GLI3: variants seen among roughly 807,000 people sequenced by gnomAD.
GLI3 encodes the protein GLI family zinc finger 3, also known as transcription activator GLI3.
In GLI3, 20 loss-of-function variants were observed where a neutral mutation model predicts 100.8. The observed-to-expected ratio is 0.20, with a 90% CI of 0.14 to 0.29. The LOEUF (loss-of-function observed/expected upper bound fraction) is 0.29, where lower values mean the gene tolerates loss of function less well. GLI3 is among the 10% of genes least tolerant of loss of function. The pLI is 1.00. For synonymous variants in GLI3, 938 were observed against 860.5 expected (o/e 1.09, Z -1.58); for missense variants, 2,040 against 2,128.5 (o/e 0.96, Z 0.82).
At position 41,992,691 on chromosome 7, in the gene GLI3, G is replaced by C. The variant is rs566136490; in HGVS notation, c.1498-13943C>G. On this transcript the variant is annotated intron_variant, in intron 10 of 14. Transcript: ENST00000395925. Reference sequence around the variant, plus strand: ...GGAAACAAAAAAAGAAAGTAAAGGAGAGAACAAAGGACACAGTAAATGGCA... The same window carrying C: ...GGAAACAAAAAAAGAAAGTAAAGGACAGAACAAAGGACACAGTAAATGGCA... Among the ~76,000 whole-genome samples, 8 of 152,292 alleles carry C rather than the reference G, an allele frequency of 5.3e-5. No individual in the cohort carries two copies. The East Asian group carries it at 1.4e-3, about 26-fold the overall frequency.
intron 4 of GLI3, among the ~76,000 whole-genome samples, chr7:42,050,949 T>C (rs1220988710): frequency 6.6e-6 from 1 of 152,184 alleles, no homozygotes; most frequent in Non-Finnish European, 1.5e-5. Flanking sequence ...AGGGTGGTCA[T>C]CAATCCCAAA....
At chr7:41,988,474 A>AGGGGG (rs35807999) in intron 10 of GLI3, among the ~76,000 whole-genome samples, 2 of 82,556 alleles carry the variant, frequency 2.4e-5, no homozygotes, top group Non-Finnish European at 2.5e-5. Context: ...AAAAAAAAAA[A>AGGGGG]GGGGGGGGGG....
At chr7:42,099,056 G>A (rs1785402518) in intron 3 of GLI3, among the ~76,000 whole-genome samples, 1 of 152,082 alleles carries the variant, frequency 6.6e-6, no homozygotes, top group African/African-American at 2.4e-5. Context: ...CCAAGGAGAG[G>A]GTGGTGATAT....
intron 2 of GLI3, among the ~76,000 whole-genome samples, chr7:42,160,336 C>T (rs1051759987): frequency 2.6e-5 from 4 of 152,114 alleles, no homozygotes; most frequent in African/African-American, 9.7e-5. Context: ...AGAAGTCTTT[C>T]GGATTTGAAA....
At chr7:42,246,163 G>T (rs1562800054) in intron 1 of GLI3, among the ~76,000 whole-genome samples, 1 of 152,180 alleles carries the variant, frequency 6.6e-6, no homozygotes, top group East Asian at 1.9e-4. Context: ...TTCTGCAGTT[G>T]TGCATTCAAA....
intron 10 of GLI3, among the ~76,000 whole-genome samples, chr7:41,987,716 A>C (rs1265558268): frequency 6.6e-6 from 1 of 152,242 alleles, no homozygotes; most frequent in Non-Finnish European, 1.5e-5. Flanking sequence ...GAAAAAGCAG[A>C]TAGTTTCTAA....
chr7:42,248,484 C>A (rs1788997397), intron 1 of GLI3, among the ~76,000 whole-genome samples: 1 of 152,110 alleles, frequency 6.6e-6, no homozygotes, highest in South Asian at 2.1e-4. Context: ...TTGTCCAGTC[C>A]ACAATTTGGA....
In GLI3 at chr7:42,208,076, T is replaced by C. The variant is rs1254453535; in HGVS notation, c.124+15054A>G. Among the ~76,000 whole-genome samples the C allele has an allele frequency of 2.0e-5, 3 of 152,278 alleles. No homozygotes were observed. In the East Asian group the frequency reaches 5.8e-4, roughly 29 times the overall value. On this transcript the variant is annotated intron_variant, in intron 2 of 14. Coordinates refer to ENST00000395925, the MANE Select transcript of GLI3 (RefSeq NM_000168.6). Reference sequence around the variant, plus strand: ...CAGGAGGCTGAGGCAGGAGAATCACTTGAACCTGGGAGGCAGAGGTTGCAG... The same window carrying C: ...CAGGAGGCTGAGGCAGGAGAATCACCTGAACCTGGGAGGCAGAGGTTGCAG...
chr7:42,112,444 A>C (rs1266818988), intron 3 of GLI3, among the ~76,000 whole-genome samples: 1 of 152,190 alleles, frequency 6.6e-6, no homozygotes, highest in African/African-American at 2.4e-5. Flanking sequence ...ACAATAACTT[A>C]TTATATATTT....
chr7:42,216,429 T>G (rs1336209493), intron 2 of GLI3, among the ~76,000 whole-genome samples: 4 of 152,186 alleles, frequency 2.6e-5, no homozygotes, highest in African/African-American at 9.7e-5. Flanking sequence ...ATATGTGACA[T>G]ACATTTGTCA....
intron 4 of GLI3, among the ~76,000 whole-genome samples, chr7:42,052,980 T>G (rs1013889829): frequency 1.1e-4 from 16 of 152,160 alleles, no homozygotes; most frequent in Non-Finnish European, 2.4e-4. Flanking sequence ...CTAGATCATT[T>G]GTCAGTTATT....
rs555642618 is a variant in GLI3, at chr7:42,201,842, G to A, written c.124+21288C>T. On this transcript the variant is annotated intron_variant, in intron 2 of 14. Coordinates refer to ENST00000395925, the MANE Select transcript of GLI3 (RefSeq NM_000168.6). Reference sequence around the variant, plus strand: ...CTCACACCTGTAATCCTAGCACTTTGGGAAGCCGAGGCGGGCAGATCACAA... The same window carrying A: ...CTCACACCTGTAATCCTAGCACTTTAGGAAGCCGAGGCGGGCAGATCACAA... Among the ~76,000 whole-genome samples the A allele has an allele frequency of 2.6e-5, 4 of 152,266 alleles. No individual in the cohort carries two copies. In the East Asian group the frequency reaches 7.7e-4, roughly 29 times the overall value.
chr7:42,113,330 C>T, intron 3 of GLI3: 1 of 626,814 alleles, frequency 1.6e-6, no homozygotes. Flanking sequence ...ACATCCTGTG[C>T]CCAGCACCTA....
chr7:42,241,420 G>T (rs1788923628), upstream of GLI3, among the ~76,000 whole-genome samples: 1 of 152,070 alleles, frequency 6.6e-6, no homozygotes, highest in South Asian at 2.1e-4. Context: ...CACACACTTT[G>T]CCAGCCAGCC....
intron 3 of GLI3, among the ~76,000 whole-genome samples, chr7:42,103,117 G>A (rs1368287857): frequency 2.9e-5 from 4 of 136,210 alleles, no homozygotes; most frequent in Non-Finnish European, 6.5e-5. Flanking sequence ...GCCTGACTGG[G>A]GGAGAGTATG....
intron 10 of GLI3, among the ~76,000 whole-genome samples, chr7:42,014,167 T>G (rs1229112794): frequency 6.6e-6 from 1 of 152,202 alleles, no homozygotes; most frequent in Non-Finnish European, 1.5e-5. Flanking sequence ...GCCCCATCTT[T>G]CTAAAGCTGA....
intron 7 of GLI3, among the ~76,000 whole-genome samples, chr7:42,029,635 C>A (rs1478408214): frequency 6.6e-6 from 1 of 152,128 alleles, no homozygotes; most frequent in East Asian, 1.9e-4. Flanking sequence ...CAGCATGAGT[C>A]CCTCTGCATC....
chr7:42,168,350 T>C (rs1787285949), intron 2 of GLI3, among the ~76,000 whole-genome samples: 1 of 152,176 alleles, frequency 6.6e-6, no homozygotes, highest in Non-Finnish European at 1.5e-5. Flanking sequence ...ACAAGAAAGT[T>C]TGTGAAAATA....
intron 3 of GLI3, among the ~76,000 whole-genome samples, chr7:42,126,739 A>G (rs1444146541): frequency 1.3e-5 from 2 of 152,188 alleles, no homozygotes; most frequent in Non-Finnish European, 2.9e-5. Context: ...AGTATTTAAA[A>G]TTTTCAGAAA....
Sources: gnomAD v4.1 joint callset for allele counts (sites outside exome capture counted in the v4.1 genomes callset) on GRCh38, gnomAD v4.1.1 for gene constraint, MANE v1.5 for transcripts, NCBI Gene and HGNC (gene_info 2026-07-23, HGNC 2026-07-21) for gene names.